Variants in KCTD1 observed in about 807,000 individuals in gnomAD.
KCTD1 encodes the protein BTB/POZ domain-containing protein KCTD1.
In KCTD1, 24 loss-of-function variants were observed where a neutral mutation model predicts 66.0. The observed-to-expected ratio is 0.36, with a 90% CI of 0.26 to 0.51. KCTD1 has a LOEUF of 0.51. Among genes scored for constraint, KCTD1 ranks in the 20% least tolerant of loss-of-function variants. KCTD1 has a pLI of 0.95. For synonymous variants in KCTD1, 511 were observed against 517.2 expected, an observed-to-expected ratio of 0.99 and a Z score of 0.16; for missense variants, 943 against 1,205.2, an observed-to-expected ratio of 0.78 and a Z score of 3.22.
At chr18:26,626,097 A>C (rs772400916) in intron 1 of KCTD1, among the ~76,000 whole-genome samples, 24 of 152,006 alleles carry the variant, frequency 1.6e-4, no homozygotes, top group Admixed American at 6.6e-4. Flanking sequence ...CAGTGAAGAC[A>C]TGGAAAGACA....
At chr18:26,560,461 A>G (rs1223894257) in intron 1 of KCTD1, among the ~76,000 whole-genome samples, 1 of 152,170 alleles carries the variant, frequency 6.6e-6, no homozygotes, top group African/African-American at 2.4e-5. Context: ...CTTGCAAAAA[A>G]TACTGATACC....
At chr18:26,628,115 A>G (rs570197145) in intron 1 of KCTD1, among the ~76,000 whole-genome samples, 1 of 152,268 alleles carries the variant, frequency 6.6e-6, no homozygotes, top group African/African-American at 2.4e-5. Flanking sequence ...CTTTTGTTTT[A>G]TGAGTCTGTG....
chr18:26,626,008 C>T (rs550373490), intron 1 of KCTD1, among the ~76,000 whole-genome samples: 1 of 152,190 alleles, frequency 6.6e-6, no homozygotes, highest in African/African-American at 2.4e-5. Flanking sequence ...GGATGATGTA[C>T]ATATGGATGT....
At position 26,476,380 on chromosome 18, in the gene KCTD1, G is replaced by A. The variant is rs1032730874; in HGVS notation, c.2133+135C>T. Reference sequence around the variant, plus strand: ...GGCCATAACCACTATTTCATGAATAGTGAACCATGTCAAAGAGAACTCTGG... The same window carrying A: ...GGCCATAACCACTATTTCATGAATAATGAACCATGTCAAAGAGAACTCTGG... On this transcript the variant is annotated intron_variant, in intron 3 of 4. Transcript: ENST00000580059. This position sits in a 1 kb window ranked among gnomAD's most constrained non-coding sequence, Gnocchi z 4.9. 2.7e-6 allele frequency: 2 copies of A among 751,418 alleles called. No individual in the cohort carries two copies. Among genetic ancestry groups the A allele is most frequent in the Admixed American group, 3.3e-5 (1 of 30,024 alleles). The allele number at this position is 751,418 out of a possible 1,614,324, so 46.5% of individuals were successfully genotyped here.
intron 3 of KCTD1, among the ~76,000 whole-genome samples, chr18:26,464,208 G>A (rs976550519): frequency 6.6e-6 from 1 of 152,246 alleles, no homozygotes; most frequent in African/African-American, 2.4e-5. Context: ...AAGTCATGGT[G>A]CCGGCAGGGA....
intron 1 of KCTD1, chr18:26,544,390 C>T (rs1437542309): frequency 6.6e-6 from 1 of 152,222 alleles, no homozygotes; most frequent in Non-Finnish European, 1.5e-5. Context: ...GCAGGCTCTT[C>T]ATCTTTAGGG....
intron 1 of KCTD1, among the ~76,000 whole-genome samples, chr18:26,515,111 C>A (rs910177098): frequency 1.3e-5 from 2 of 152,126 alleles, no homozygotes; most frequent in African/African-American, 2.4e-5. Context: ...CAAAACAAAC[C>A]AACTTTTAAA....
At chr18:26,628,778 C>T (rs1987557211) in intron 1 of KCTD1, among the ~76,000 whole-genome samples, 2 of 152,034 alleles carry the variant, frequency 1.3e-5, no homozygotes, top group African/African-American at 4.8e-5. Context: ...GTTATAAGAG[C>T]CTGAAGATAG....
chr18:26,510,903 CA>C (rs1983297772), intron 1 of KCTD1, among the ~76,000 whole-genome samples: 1 of 152,052 alleles, frequency 6.6e-6, no homozygotes. Context: ...GTCATTTTTG[CA>C]AATGTGTGTA....
chr18:26,620,681 C>T (rs1171156919), intron 1 of KCTD1, among the ~76,000 whole-genome samples: 1 of 151,914 alleles, frequency 6.6e-6, no homozygotes, highest in South Asian at 2.1e-4. Flanking sequence ...AGGGATCTGC[C>T]GGCCCCGGCC....
intron 1 of KCTD1, among the ~76,000 whole-genome samples, chr18:26,562,870 G>A (rs1985892705): frequency 6.6e-6 from 1 of 151,842 alleles, no homozygotes; most frequent in African/African-American, 2.4e-5. Flanking sequence ...ACCAGATTAG[G>A]GCCCACCCTT....
intron 2 of KCTD1, among the ~76,000 whole-genome samples, chr18:26,477,158 A>C (rs1981392148): frequency 6.6e-6 from 1 of 152,244 alleles, no homozygotes; most frequent in Non-Finnish European, 1.5e-5. Flanking sequence ...TTATATAAAA[A>C]AGAATAATTT....
At chr18:26,461,238 A>G (rs1308511396) in intron 3 of KCTD1, among the ~76,000 whole-genome samples, 1 of 152,248 alleles carries the variant, frequency 6.6e-6, no homozygotes, top group Admixed American at 6.5e-5. Context: ...AGAAAACAGC[A>G]TGGAGAGATG....
chr18:26,511,128 T>G (rs991702435), intron 1 of KCTD1, among the ~76,000 whole-genome samples: 1 of 152,192 alleles, frequency 6.6e-6, no homozygotes, highest in Non-Finnish European at 1.5e-5. Flanking sequence ...CAGTGCTATA[T>G]TTTACCTTCA....
intron 1 of KCTD1, among the ~76,000 whole-genome samples, chr18:26,586,020 G>A (rs1366768535): frequency 1.3e-5 from 2 of 152,156 alleles, no homozygotes; most frequent in African/African-American, 4.8e-5. Context: ...GGGCCACAGA[G>A]GAAGATGCTG....
intron 3 of KCTD1, among the ~76,000 whole-genome samples, chr18:26,464,721 A>G (rs538716215): frequency 5.4e-4 from 82 of 152,298 alleles, no homozygotes; most frequent in Non-Finnish European, 8.7e-4. Context: ...AATGTCTCCA[A>G]TACCTCCCAG....
Position 26,546,965 on chromosome 18 carries a change from G to T in KCTD1, c.1572C>A (p.Pro524=). The part of the protein sequence containing the change: ...YILPKDSQVG[P]DVKSEAAPKR... ...TGGGCGCAGCCTCGGATTTCACGTC[G>T]GGCCCGACCTGGCTGTCTTTGGGGA... The change falls in exon 1 of 5, where the codon CCC becomes CCA. Residue 524 remains proline (P), a synonymous_variant. Coordinates refer to ENST00000580059, the MANE Select transcript of KCTD1 (RefSeq NM_001142730.3). The T allele has an allele frequency of 6.8e-7, 1 of 1,474,824 alleles. No homozygotes were observed. The highest frequency in any genetic ancestry group is 1.4e-5 in the African/African-American group (1 of 70,812). The allele number at this position is 1,474,824 out of a possible 1,614,324, so 91.4% of individuals were successfully genotyped here. A position where few individuals can be genotyped will look rare whatever the true frequency, so the allele number is the denominator to read the frequency against.
intron 1 of KCTD1, among the ~76,000 whole-genome samples, chr18:26,601,703 G>A (rs1338552550): frequency 6.6e-6 from 1 of 152,084 alleles, no homozygotes; most frequent in Non-Finnish European, 1.5e-5. Flanking sequence ...ATAATTTGTA[G>A]TTTTCAGTTT....
chr18:26,467,814 C>CA (rs1363364871), intron 3 of KCTD1, among the ~76,000 whole-genome samples: 3 of 151,948 alleles, frequency 2.0e-5, no homozygotes, highest in Non-Finnish European at 4.4e-5. Flanking sequence ...GACCCTATCT[C>CA]AAAAAAACCA....
Sources: gnomAD v4.1 joint callset for allele counts (sites outside exome capture counted in the v4.1 genomes callset) on GRCh38, gnomAD v4.1.1 for gene constraint, Gnocchi (gnomAD v3.1) non-coding constraint, MANE v1.5 for transcripts, NCBI Gene and HGNC (gene_info 2026-07-23, HGNC 2026-07-21) for gene names.